Variants in ZNF408 observed in about 807,000 individuals in gnomAD.
The protein encoded by ZNF408 is zinc finger protein 408, also known as PR domain zinc finger protein 17.
ZNF408 carries 24 observed loss-of-function variants against 27.6 expected under a neutral mutation model. The observed-to-expected ratio is 0.87, with a 90% CI of 0.63 to 1.22. ZNF408 has a LOEUF of 1.22. ZNF408 is among the 50% of genes most tolerant of loss of function. The pLI is 0.00. For missense variants in ZNF408, 897 were observed against 949.0 expected (o/e 0.95, Z 0.72); for synonymous variants, 410 against 396.1 (o/e 1.04, Z -0.42).
At chr11:46,704,314 G>GA (rs2064733333) in intron 4 of ZNF408, 39 bp from the exon 5 acceptor site, 1 of 1,532,176 alleles carries the variant, frequency 6.5e-7, no homozygotes, top group Non-Finnish European at 8.8e-7. Flanking sequence ...CATCTGCATT[G>GA]AAGCTCCCTA....
At chr11:46,702,596 G>A in intron 2 of ZNF408, 108 bp from the exon 3 acceptor site, 1 of 1,116,042 alleles carries the variant, frequency 9.0e-7, no homozygotes, top group Non-Finnish European at 1.3e-6. Flanking sequence ...TAACCTTCCA[G>A]GAGTTTCATC....
At position 46,701,599 on chromosome 11, in the gene ZNF408, G is replaced by T; in HGVS notation, c.253G>T (p.Gly85Cys). The T allele has an allele frequency of 1.2e-6, 2 of 1,611,014 alleles. No individual in the cohort carries two copies. The highest frequency in any genetic ancestry group is 1.7e-6 in the Non-Finnish European group (2 of 1,178,266). Residue 85 changes from glycine (G) to cysteine (C), a missense_variant, in exon 2 of 5, where the codon GGC (glycine) becomes TGC (cysteine). Transcript: ENST00000311764. ...VWCVGDPLQP[G>C]LLWGPLEEES... ...GTGTGTCGGGGACCCCCTGCAGCCC[G>T]GCCTGCTGTGGGGGCCGCTGGAAGA... is the stretch of plus-strand genomic sequence containing the variant.
At chr11:46,703,488 C>G (rs1480306553) in intron 4 of ZNF408, among the ~76,000 whole-genome samples, 1 of 152,160 alleles carries the variant, frequency 6.6e-6, no homozygotes. Flanking sequence ...CTAGAATTTT[C>G]AGGCAAGGGA....
rs532097638 is a variant in ZNF408 at position 46,704,498 on chromosome 11, G to A, written c.798G>A (p.Pro266=). ...LQDGDVDEEC[P]AQAQMPPELQ... ...ATGGCGACGTGGATGAGGAATGCCCGGCCCAGGCACAGATGCCACCTGAAC... is the reference window on the plus strand; with the variant it reads ...ATGGCGACGTGGATGAGGAATGCCCAGCCCAGGCACAGATGCCACCTGAAC... The change falls in exon 5 of 5, where the codon CCG becomes CCA. Residue 266 remains proline (P), a synonymous_variant. Transcript: ENST00000311764. The A allele has an allele frequency of 2.5e-5, 41 of 1,614,070 alleles. No homozygotes were observed. Among genetic ancestry groups the A allele is most frequent in the South Asian group, 2.4e-4 (22 of 91,088 alleles).
rs746187942 is a variant in ZNF408, at chr11:46,704,787, C to G, written c.1087C>G (p.Leu363Val). ...YRCGECGKAF[L>V]QLCHLKKHAF... ...GTGTGGAGAGTGTGGCAAGGCATTC[C>G]TACAGCTGTGCCACCTAAAGAAGCA... The change falls in exon 5 of 5, where the codon CTA (leucine) becomes GTA (valine). Residue 363 changes from leucine to valine, a missense_variant. Coordinates refer to ENST00000311764, the MANE Select transcript of ZNF408 (RefSeq NM_024741.3). The G allele has an allele frequency of 3.1e-6, 5 of 1,597,336 alleles. No individual in the cohort carries two copies. The highest frequency in any genetic ancestry group is 3.4e-5 in the Admixed American group (2 of 58,072).
rs756736738 is a variant in ZNF408 at position 46,703,198 on chromosome 11, C to G, written c.607C>G (p.Gln203Glu). The G allele has an allele frequency of 6.2e-7, 1 of 1,613,604 alleles. No homozygotes were observed. The highest frequency in any genetic ancestry group is 1.3e-5 in the African/African-American group (1 of 75,032). Residue 203 changes from glutamine to glutamate, a missense_variant, in exon 4 of 5, where the codon CAG (glutamine) becomes GAG (glutamate). Gln to Glu is a conservative substitution (Grantham distance 29, BLOSUM62 2). Coordinates refer to ENST00000311764, the MANE Select transcript of ZNF408 (RefSeq NM_024741.3). Reference sequence around the variant, plus strand: ...GACAGAAGTGGAGTCTGCTGTACAGCAGGAAGTGGCCTCCCCTGGGGAGGA... The same window carrying G: ...GACAGAAGTGGAGTCTGCTGTACAGGAGGAAGTGGCCTCCCCTGGGGAGGA... ...VVTEVESAVQ[Q>E]EVASPGEDAA...
At position 46,705,362 on chromosome 11, in the gene ZNF408, G is replaced by A. The variant is rs202105766; in HGVS notation, c.1662G>A (p.Pro554=). 1.5e-5 allele frequency: 23 copies of A among 1,564,066 alleles called. No homozygotes were observed. The highest frequency in any genetic ancestry group is 1.7e-4 in the Middle Eastern group (1 of 5,910). The stretch of plus-strand genomic sequence containing the variant: ...ACACCGGGGAGGCCCACTTGTGCCC[G>A]GTGTGTGGCAAGGCCCTCCGAGACC... ...ISHTGEAHLC[P]VCGKALRDPH... is the part of the protein sequence containing the mutation. Residue 554 remains proline, a synonymous_variant, in exon 5 of 5, where the codon CCG becomes CCA. Transcript: ENST00000311764. This position sits in a 1 kb window ranked among gnomAD's most constrained non-coding sequence, Gnocchi z 6.5.
At position 46,701,081 on chromosome 11, in the gene ZNF408, A is replaced by C; in HGVS notation, c.34A>C (p.Lys12Gln). The C allele has an allele frequency of 6.2e-7, 1 of 1,614,084 alleles. No homozygotes were observed. Among genetic ancestry groups the C allele is most frequent in the Non-Finnish European group, 8.5e-7 (1 of 1,180,012 alleles). Residue 12 changes from lysine (K) to glutamine (Q), a missense_variant, in exon 1 of 5, where the codon AAG becomes CAG. Lys to Gln is a moderately conservative substitution (Grantham distance 53). Transcript: ENST00000311764. ...GGCGGAGGAGCTGCTCTTGGAGGGGAAGAAGGCGCTGCAACTCGGTGAGTG... is the reference window on the plus strand; with the variant it reads ...GGCGGAGGAGCTGCTCTTGGAGGGGCAGAAGGCGCTGCAACTCGGTGAGTG... ...EEAEELLLEG[K>Q]KALQLAREPR...
chr11:46,705,074 C>A lies in ZNF408; in HGVS notation c.1374C>A (p.Thr458=). The A allele has an allele frequency of 1.9e-6, 3 of 1,612,700 alleles. No homozygotes were observed. Among genetic ancestry groups the A allele is most frequent in the Non-Finnish European group, 2.5e-6 (3 of 1,179,980 alleles). ...RRPSLRLHRK[T]HQVPAAPAPC... ...CCTCCCTGCGGCTGCATCGCAAGAC[C>A]CACCAGGTGCCAGCTGCCCCTGCCC... The change falls in exon 5 of 5, where the codon ACC becomes ACA. Residue 458 remains threonine, a synonymous_variant. Transcript: ENST00000311764. The surrounding 1 kb of genome is among the most constrained non-coding windows in gnomAD (Gnocchi z 6.5).
At position 46,704,679 on chromosome 11, in the gene ZNF408, G is replaced by C. The variant is rs371436935; in HGVS notation, c.979G>C (p.Ala327Pro). The change falls in exon 5 of 5, where the codon GCC (alanine) becomes CCC (proline). Residue 327 changes from alanine (A) to proline (P), a missense_variant. Transcript: ENST00000311764. ...PPRAKTPEPG[A>P]QQSGFPTLSR... Reference sequence around the variant, plus strand: ...CAGAGCAAAGACCCCAGAGCCTGGAGCCCAGCAGTCTGGCTTCCCTACACT... The same window carrying C: ...CAGAGCAAAGACCCCAGAGCCTGGACCCCAGCAGTCTGGCTTCCCTACACT... 2 of 1,613,282 alleles carry C rather than the reference G, an allele frequency of 1.2e-6. No individual in the cohort carries two copies. Among genetic ancestry groups the C allele is most frequent in the Non-Finnish European group, 1.7e-6 (2 of 1,179,722 alleles).
At chr11:46,704,204 G>C in intron 4 of ZNF408, 149 bp from the exon 5 acceptor site, 1 of 788,062 alleles carries the variant, frequency 1.3e-6, no homozygotes, top group Non-Finnish European at 2.0e-6. Flanking sequence ...AATGGAGTGT[G>C]CACCCCATGC....
chr11:46,701,657 T>C lies in ZNF408; in HGVS notation c.311T>C (p.Val104Ala). 1 of 1,589,266 alleles carries C rather than the reference T, an allele frequency of 6.3e-7. No individual in the cohort carries two copies. Among genetic ancestry groups the C allele is most frequent in the Non-Finnish European group, 8.6e-7 (1 of 1,165,032 alleles). ...ESASKEKGEGVKPRQEENLSL... is the reference protein window; with the variant it reads ...ESASKEKGEGAKPRQEENLSL... ...GCCTCCAAGGAGAAGGGCGAGGGAGTAAAGCCACGGCAGGAGGAGGTATTG... is the reference window on the plus strand; with the variant it reads ...GCCTCCAAGGAGAAGGGCGAGGGAGCAAAGCCACGGCAGGAGGAGGTATTG... The change falls in exon 2 of 5, where the codon GTA becomes GCA. Residue 104 changes from valine (V) to alanine (A), a missense_variant. Val to Ala is a moderately conservative substitution (Grantham distance 64). Transcript: ENST00000311764.
At position 46,704,926 on chromosome 11, in the gene ZNF408, T is replaced by A. The variant is rs1329133687; in HGVS notation, c.1226T>A (p.Phe409Tyr). The change falls in exon 5 of 5, where the codon TTC (phenylalanine) becomes TAC (tyrosine). Residue 409 changes from phenylalanine (F) to tyrosine (Y), a missense_variant. Coordinates refer to ENST00000311764, the MANE Select transcript of ZNF408 (RefSeq NM_024741.3). ...HMLGHRGVRP[F>Y]PCPQCDKAYG... is the part of the protein sequence containing the mutation. ...CTGGGCCACCGTGGGGTGCGGCCCTTCCCCTGTCCACAATGCGACAAGGCC... is the reference window on the plus strand; with the variant it reads ...CTGGGCCACCGTGGGGTGCGGCCCTACCCCTGTCCACAATGCGACAAGGCC... 1 of 1,613,310 alleles carries A rather than the reference T, an allele frequency of 6.2e-7. No homozygotes were observed. The highest frequency in any genetic ancestry group is 8.5e-7 in the Non-Finnish European group (1 of 1,180,006).
At position 46,705,208 on chromosome 11, in the gene ZNF408, G is replaced by C; in HGVS notation, c.1508G>C (p.Arg503Pro). ...CCTTTCCTGTGCCCGCACTGTGGCC[G>C]GGCGTTTCGTCAGCGGGGCAACCTG... ...EKPFLCPHCG[R>P]AFRQRGNLRG... The change falls in exon 5 of 5, where the codon CGG becomes CCG. Residue 503 changes from arginine to proline, a missense_variant. Coordinates refer to ENST00000311764, the MANE Select transcript of ZNF408 (RefSeq NM_024741.3). The surrounding 1 kb of genome is among the most constrained non-coding windows in gnomAD (Gnocchi z 6.5). The C allele has an allele frequency of 6.2e-7, 1 of 1,611,758 alleles. No homozygotes were observed. Among genetic ancestry groups the C allele is most frequent in the Non-Finnish European group, 8.5e-7 (1 of 1,179,904 alleles).
Position 46,704,693 on chromosome 11 carries a change from C to T in ZNF408, c.993C>T (p.Gly331=), listed in dbSNP as rs781580984. 6.2e-7 allele frequency: 1 copy of T among 1,611,496 alleles called. No homozygotes were observed. The highest frequency in any genetic ancestry group is 8.5e-7 in the Non-Finnish European group (1 of 1,178,910). ...KTPEPGAQQS[G]FPTLSRSPPG... is the part of the protein sequence containing the mutation. ...CAGAGCCTGGAGCCCAGCAGTCTGG[C>T]TTCCCTACACTCTCGCGGAGCCCTC... is the stretch of plus-strand genomic sequence containing the variant. Residue 331 remains glycine (G), a synonymous_variant, in exon 5 of 5, where the codon GGC becomes GGT. Coordinates refer to ENST00000311764, the MANE Select transcript of ZNF408 (RefSeq NM_024741.3).
chr11:46,704,949 G>A lies in ZNF408; in HGVS notation c.1249G>A (p.Ala417Thr). 6.2e-7 allele frequency: 1 copy of A among 1,613,608 alleles called. No individual in the cohort carries two copies. Among genetic ancestry groups the A allele is most frequent in the Non-Finnish European group, 8.5e-7 (1 of 1,180,024 alleles). ...CTTCCCCTGTCCACAATGCGACAAG[G>A]CCTATGGCACCCAGCGAGACCTCAA... ...RPFPCPQCDKAYGTQRDLKEH... is the reference protein window; with the variant it reads ...RPFPCPQCDKTYGTQRDLKEH... The change falls in exon 5 of 5, where the codon GCC becomes ACC. Residue 417 changes from alanine to threonine, a missense_variant. Coordinates refer to ENST00000311764, the MANE Select transcript of ZNF408 (RefSeq NM_024741.3).
chr11:46,705,346 A>ACAAGTG lies in ZNF408; in HGVS notation c.1646_1647insCAAGTG (p.Glu549delinsAspLysTrp), dbSNP rs2064743879. ...CGCCATCTCATCTCACACACCGGGG[A>ACAAGTG]GGCCCACTTGTGCCCGGTGTGTGGC... On this transcript the variant is annotated protein_altering_variant, in exon 5 of 5. Coordinates refer to ENST00000311764, the MANE Select transcript of ZNF408 (RefSeq NM_024741.3). The surrounding 1 kb of genome is among the most constrained non-coding windows in gnomAD (Gnocchi z 6.5). 1 of 1,610,608 alleles carries ACAAGTG rather than the reference A, an allele frequency of 6.2e-7. No homozygotes were observed.
chr11:46,703,945 T>C (rs2134508751), intron 4 of ZNF408, among the ~76,000 whole-genome samples: 1 of 152,040 alleles, frequency 6.6e-6, no homozygotes, highest in East Asian at 1.9e-4. Flanking sequence ...TCAGCCAGGC[T>C]GGTCTCGAAC....
rs2064747078 is a variant in ZNF408 at position 46,705,672 on chromosome 11, C to T, written c.1972C>T (p.Leu658=). Residue 658 remains leucine, a synonymous_variant, in exon 5 of 5, where the codon CTG becomes TTG. Coordinates refer to ENST00000311764, the MANE Select transcript of ZNF408 (RefSeq NM_024741.3). This position sits in a 1 kb window ranked among gnomAD's most constrained non-coding sequence, Gnocchi z 6.5. ...GGTGCTCCTGCAGGCTGAGCCACAACTGCTGGACACACACAGAGAGGAGGA... is the reference window on the plus strand; with the variant it reads ...GGTGCTCCTGCAGGCTGAGCCACAATTGCTGGACACACACAGAGAGGAGGA... ...TVVLLQAEPQ[L]LDTHREEEVS... is the part of the protein sequence containing the mutation. The T allele has an allele frequency of 1.2e-6, 2 of 1,613,850 alleles. No homozygotes were observed. The highest frequency in any genetic ancestry group is 2.7e-5 in the African/African-American group (2 of 75,048).
Sources: gnomAD v4.1 joint callset for allele counts (sites outside exome capture counted in the v4.1 genomes callset) on GRCh38, gnomAD v4.1.1 for gene constraint, Gnocchi (gnomAD v3.1) non-coding constraint, MANE v1.5 for transcripts, NCBI Gene and HGNC (gene_info 2026-07-23, HGNC 2026-07-21) for gene names.